Variants in KSR2 observed in about 807,000 individuals in gnomAD.
KSR2 encodes kinase suppressor of ras 2.
Under a neutral mutation model 107.8 loss-of-function variants are expected in KSR2, and 25 were observed. That is an observed-to-expected ratio of 0.23 (90% CI 0.17 to 0.32). KSR2 has a LOEUF of 0.32. Among genes scored for constraint, KSR2 ranks in the 10% least tolerant of loss-of-function variants. The probability of loss-of-function intolerance (pLI) is 1.00; values close to 1 mark genes in which losing one functional copy is unlikely to be tolerated. For missense variants in KSR2, 887 were observed against 1,268.9 expected (o/e 0.70, Z 4.57); for synonymous variants, 480 against 507.0 (o/e 0.95, Z 0.71).
chr12:117,846,656 C>T (rs143970780), intron 3 of KSR2, among the ~76,000 whole-genome samples: 365 of 152,330 alleles, frequency 2.4e-3, no homozygotes, highest in African/African-American at 8.4e-3. Flanking sequence ...GCAGCACTGT[C>T]CACTAGAATA....
chr12:117,502,484 G>A (rs548353642), intron 14 of KSR2, among the ~76,000 whole-genome samples: 1 of 152,246 alleles, frequency 6.6e-6, no homozygotes, highest in African/African-American at 2.4e-5. Flanking sequence ...GGTTGCCTAG[G>A]GGTGGGGAAA....
chr12:117,548,827 GA>G lies in KSR2; in HGVS notation c.1518+6341del, dbSNP rs543869698. Among the ~76,000 whole-genome samples, 692 of 152,308 alleles carry G rather than the reference GA, an allele frequency of 4.5e-3. 8 individuals are homozygous for G. The highest frequency in any genetic ancestry group is 8.0e-3 in the Non-Finnish European group (545 of 68,028). The stretch of plus-strand genomic sequence containing the variant: ...TAGACCCTCTCCAGAGAGTCTCTGA[GA>G]AAGGGAAACTCAACTATGATTGTGT... On this transcript the variant is annotated intron_variant, in intron 9 of 19. Transcript: ENST00000339824.
At chr12:117,876,305 G>A (rs1451612479) in intron 1 of KSR2, among the ~76,000 whole-genome samples, 2 of 152,216 alleles carry the variant, frequency 1.3e-5, no homozygotes, top group African/African-American at 2.4e-5. Flanking sequence ...CCCCTGCTGA[G>A]GGAGGGCTGG....
At chr12:117,956,348 G>A (rs983695612) in intron 1 of KSR2, among the ~76,000 whole-genome samples, 1 of 148,088 alleles carries the variant, frequency 6.8e-6, no homozygotes, top group African/African-American at 2.5e-5. Flanking sequence ...CAGGAGGGCT[G>A]CTTGAGCCCA....
chr12:117,871,530 G>A (rs1566060617), intron 1 of KSR2, among the ~76,000 whole-genome samples: 1 of 151,718 alleles, frequency 6.6e-6, no homozygotes, highest in Non-Finnish European at 1.5e-5. Flanking sequence ...GGAGGTTGCA[G>A]TAAACCAGGA....
At position 117,699,049 on chromosome 12, in the gene KSR2, C is replaced by T. The variant is rs74952758; in HGVS notation, c.987-31391G>A. 2.6e-3 allele frequency among the ~76,000 whole-genome samples: 400 copies of T among 152,312 alleles called. 18 individuals are homozygous for T. The East Asian group carries it at 0.069, about 26-fold the overall frequency. On this transcript the variant is annotated intron_variant, in intron 4 of 19. Coordinates refer to ENST00000339824, the MANE Select transcript of KSR2 (RefSeq NM_173598.6). ...CTCCTTAACACTTTCTACCTCTTGA[C>T]CTTGCTCTCATTTAGTGTTCGGCAA...
intron 3 of KSR2, among the ~76,000 whole-genome samples, chr12:117,791,383 CA>C (rs1349156851): frequency 1.1e-4 from 16 of 152,148 alleles, no homozygotes; most frequent in Non-Finnish European, 2.1e-4. Flanking sequence ...TGATATTTTC[CA>C]GTTTATTCAT....
chr12:117,516,293 G>A (rs1252557846), intron 14 of KSR2, among the ~76,000 whole-genome samples: 5 of 152,156 alleles, frequency 3.3e-5, no homozygotes, highest in South Asian at 2.1e-4. Context: ...CTCCCTACTC[G>A]AGATCTCCCT....
Position 117,645,815 on chromosome 12 carries a change from C to T in KSR2, c.1171+21659G>A, listed in dbSNP as rs145514813. Among the ~76,000 whole-genome samples, 1,054 of 151,666 alleles carry T rather than the reference C, an allele frequency of 6.9e-3. 8 individuals are homozygous for T. The highest frequency in any genetic ancestry group is 0.01 in the Non-Finnish European group (689 of 67,964). ...TCTGCTTGAACTCTTCTTACAATTC[C>T]GAATACAGCACTGAAAAACAATTAT... is the stretch of plus-strand genomic sequence containing the variant. On this transcript the variant is annotated intron_variant, in intron 5 of 19. Coordinates refer to ENST00000339824, the MANE Select transcript of KSR2 (RefSeq NM_173598.6).
rs1436449659 is a variant in KSR2, at chr12:117,805,937, G to C, written c.473-44413C>G. On this transcript the variant is annotated intron_variant, in intron 3 of 19. Transcript: ENST00000339824. ...GCAGAGGTTGCAGTGAGCCAAGATT[G>C]TGCCACTGCACTCCAGCCTAGGTGA... Among the ~76,000 whole-genome samples the C allele has an allele frequency of 2.6e-5, 4 of 152,100 alleles. No homozygotes were observed. The East Asian group carries it at 5.8e-4, about 22-fold the overall frequency.
At chr12:117,717,529 C>T (rs1887031439) in intron 4 of KSR2, among the ~76,000 whole-genome samples, 1 of 151,972 alleles carries the variant, frequency 6.6e-6, no homozygotes. Flanking sequence ...AAAAATAAAA[C>T]ATAAAAATTA....
chr12:117,455,030 CAGACAGAG>C lies in KSR2; in HGVS notation c.*12161_*12168del, dbSNP rs1165561954. On this transcript the variant is annotated 3_prime_UTR_variant, in exon 20 of 20. Coordinates refer to ENST00000339824, the MANE Select transcript of KSR2 (RefSeq NM_173598.6). ...AGACAGAGACAGACACAGAGACAGACAGACAGAGAGAGAGAGAGAGAGAGAGAGAGAGA... is the reference window on the plus strand; with the variant it reads ...AGACAGAGACAGACACAGAGACAGACAGAGAGAGAGAGAGAGAGAGAGAGA... The C allele has an allele frequency of 1.8e-3, 212 of 120,102 alleles. 2 individuals carry two copies. Among genetic ancestry groups the C allele is most frequent in the Non-Finnish European group, 1.7e-3 (102 of 61,186 alleles). The allele number at this position is 120,102 out of a possible 1,614,324, so 7.4% of individuals were successfully genotyped here.
intron 14 of KSR2, among the ~76,000 whole-genome samples, chr12:117,508,553 T>C (rs1320718852): frequency 6.6e-6 from 1 of 151,568 alleles, no homozygotes; most frequent in Non-Finnish European, 1.5e-5. Flanking sequence ...GGTGGGTAGG[T>C]AGGTGGATAG....
At chr12:117,492,414 G>A (rs1872793130) in intron 14 of KSR2, among the ~76,000 whole-genome samples, 1 of 127,428 alleles carries the variant, frequency 7.8e-6, no homozygotes, top group Non-Finnish European at 1.6e-5. Context: ...TCAGCACCAA[G>A]CCCAGGTGGG....
At chr12:117,803,929 ACT>A (rs1030737144) in intron 3 of KSR2, among the ~76,000 whole-genome samples, 6 of 152,096 alleles carry the variant, frequency 3.9e-5, no homozygotes, top group Admixed American at 2.0e-4. Flanking sequence ...CTGGAACCTA[ACT>A]CTGACTCCTA....
At position 117,947,010 on chromosome 12, in the gene KSR2, C is replaced by CAA. The variant is rs145320672; in HGVS notation, c.180+21064_180+21065dup. ...TGAAACCCTGTCTCTACTAAAAATA[C>CAA]AAAAAAAAATTAGCTGGGTGTGGTG... On this transcript the variant is annotated intron_variant, in intron 1 of 19. Coordinates refer to ENST00000339824, the MANE Select transcript of KSR2 (RefSeq NM_173598.6). 1.1e-4 allele frequency among the ~76,000 whole-genome samples: 17 copies of CAA among 149,848 alleles called. No homozygotes were observed. The Admixed American group carries it at 1.1e-3, about 10-fold the overall frequency.
chr12:117,567,553 A>C (rs922375306), intron 7 of KSR2, among the ~76,000 whole-genome samples: 4 of 151,888 alleles, frequency 2.6e-5, no homozygotes, highest in Non-Finnish European at 1.5e-5. Flanking sequence ...TGGCAGCAGA[A>C]ACTTGCAATT....
intron 4 of KSR2, among the ~76,000 whole-genome samples, chr12:117,744,666 G>C (rs941481301): frequency 2.0e-5 from 3 of 152,148 alleles, no homozygotes; most frequent in Non-Finnish European, 4.4e-5. Flanking sequence ...AGAGCCTGGG[G>C]GTGGATGCAA....
chr12:117,505,818 G>A (rs1381780243), intron 14 of KSR2, among the ~76,000 whole-genome samples: 1 of 152,036 alleles, frequency 6.6e-6, no homozygotes, highest in Non-Finnish European at 1.5e-5. Flanking sequence ...CTTATACCAA[G>A]AACACCCTTC....
Sources: gnomAD v4.1 joint callset for allele counts (sites outside exome capture counted in the v4.1 genomes callset) on GRCh38, gnomAD v4.1.1 for gene constraint, MANE v1.5 for transcripts, NCBI Gene and HGNC (gene_info 2026-07-23, HGNC 2026-07-21) for gene names.